The following DLGAP1 variants were observed in gnomAD, a reference collection of about 807,000 sequenced individuals.
DLGAP1 encodes DLG associated protein 1.
DLGAP1 carries 11 observed loss-of-function variants against 90.8 expected under a neutral mutation model. The ratio of observed to expected loss-of-function variants is 0.12; its 90% confidence interval spans 0.08 to 0.20. DLGAP1 has a LOEUF of 0.20. Ranked by LOEUF, DLGAP1 falls within the 10% of genes least tolerant of loss-of-function variation. The probability of loss-of-function intolerance (pLI) is 1.00; values close to 1 mark genes in which losing one functional copy is unlikely to be tolerated. For synonymous variants in DLGAP1, 558 were observed against 540.7 expected (o/e 1.03, Z -0.44); for missense variants, 1,050 against 1,333.8 (o/e 0.79, Z 3.31).
intron 9 of DLGAP1, among the ~76,000 whole-genome samples, chr18:3,550,531 G>C (rs1347857880): frequency 6.6e-6 from 1 of 152,036 alleles, no homozygotes; most frequent in African/African-American, 2.4e-5. Context: ...TGGCCTTAGG[G>C]CCTTTAAACA....
intron 2 of DLGAP1, among the ~76,000 whole-genome samples, chr18:4,017,965 AT>A (rs1408985921): frequency 1.3e-5 from 2 of 152,208 alleles, no homozygotes; most frequent in East Asian, 3.8e-4. Flanking sequence ...AGCAGACAGC[AT>A]TAATCTTATC....
rs868544820 is a variant in DLGAP1 at position 4,316,904 on chromosome 18, G to A, written c.-267+138102C>T. ...ATTTAGGATAGGGACATCAATTTGCGGTTGCCCCCGACCTTGCAGGAATTT... is the reference window on the plus strand; with the variant it reads ...ATTTAGGATAGGGACATCAATTTGCAGTTGCCCCCGACCTTGCAGGAATTT... On this transcript the variant is annotated intron_variant, in intron 1 of 12. Transcript: ENST00000315677. 6.6e-5 allele frequency among the ~76,000 whole-genome samples: 10 copies of A among 152,068 alleles called. 1 individual carries two copies. The Middle Eastern group carries it at 0.01, about 155-fold the overall frequency.
intron 2 of DLGAP1, among the ~76,000 whole-genome samples, chr18:4,144,961 CTTATT>C (rs1261660597): frequency 6.6e-6 from 1 of 152,138 alleles, no homozygotes; most frequent in East Asian, 1.9e-4. Context: ...CTATTATACT[CTTATT>C]TTACGAAGAA....
At chr18:4,064,643 G>C (rs2075346702) in intron 2 of DLGAP1, among the ~76,000 whole-genome samples, 2 of 151,882 alleles carry the variant, frequency 1.3e-5, no homozygotes, top group African/African-American at 4.8e-5. Context: ...GACTGAACCA[G>C]GAAGAAACCG....
intron 5 of DLGAP1, among the ~76,000 whole-genome samples, chr18:3,780,145 T>C (rs1029847433): frequency 1.3e-5 from 2 of 152,174 alleles, no homozygotes; most frequent in Non-Finnish European, 2.9e-5. Context: ...TTACAAAATA[T>C]AGACATGCTC....
rs2056912101 is a variant in DLGAP1, at chr18:3,600,829, TATATATAGATATATATAG to T, written c.1592-18599_1592-18582del. On this transcript the variant is annotated intron_variant, in intron 7 of 12. Transcript: ENST00000315677. Reference sequence around the variant, plus strand: ...ATATAGATATATATAGATATATAGATATATATAGATATATATAGATATATAGATATATATAGATATATA... The same window carrying T: ...ATATAGATATATATAGATATATAGATATATATAGATATATATAGATATATA... Among the ~76,000 whole-genome samples, 13 of 26,980 alleles carry T rather than the reference TATATATAGATATATATAG, an allele frequency of 4.8e-4. 2 individuals are homozygous for T. The highest frequency in any genetic ancestry group is 1.0e-3 in the South Asian group (1 of 964). The allele number at this position is 26,980 out of a possible 152,430, so 17.7% of individuals were successfully genotyped here.
At chr18:4,156,622 G>A (rs1285679503) in intron 1 of DLGAP1, among the ~76,000 whole-genome samples, 2 of 152,152 alleles carry the variant, frequency 1.3e-5, no homozygotes, top group Non-Finnish European at 2.9e-5. Flanking sequence ...AGTCATAAAA[G>A]AGAATTTCCA....
At chr18:4,322,576 G>C (rs2080718383) in intron 1 of DLGAP1, among the ~76,000 whole-genome samples, 1 of 152,164 alleles carries the variant, frequency 6.6e-6, no homozygotes, top group South Asian at 2.1e-4. Flanking sequence ...CTCCACAACA[G>C]TAATCTGGGC....
In DLGAP1 at chr18:3,664,218, C is replaced by CACACACACCCACA. The variant is rs1555620386; in HGVS notation, c.1591+64916_1591+64917insTGTGGGTGTGTGT. Among the ~76,000 whole-genome samples, 123 of 75,822 alleles carry CACACACACCCACA rather than the reference C, an allele frequency of 1.6e-3. 1 individual carries two copies. Among genetic ancestry groups the CACACACACCCACA allele is most frequent in the African/African-American group, 7.0e-3 (120 of 17,232 alleles). The allele number at this position is 75,822 out of a possible 152,430, so 49.7% of individuals were successfully genotyped here. ...CACACACACACACACACACACACAC[C>CACACACACCCACA]CACACACACACACACACACGGATAT... On this transcript the variant is annotated intron_variant, in intron 7 of 12. Transcript: ENST00000315677.
intron 1 of DLGAP1, among the ~76,000 whole-genome samples, chr18:4,212,509 T>TA (rs3041112): frequency 0.023 from 3,176 of 136,632 alleles, 81 homozygotes; most frequent in African/African-American, 0.062. Context: ...CTACTAAAGT[T>TA]AAAAAAAAAA....
chr18:3,744,679 G>A (rs2063194088), intron 5 of DLGAP1, among the ~76,000 whole-genome samples: 1 of 152,022 alleles, frequency 6.6e-6, no homozygotes, highest in Non-Finnish European at 1.5e-5. Flanking sequence ...CCGAGTAGCC[G>A]GAATGACACA....
intron 3 of DLGAP1, among the ~76,000 whole-genome samples, chr18:3,941,841 T>G (rs1222383924): frequency 6.6e-6 from 1 of 152,118 alleles, no homozygotes; most frequent in Non-Finnish European, 1.5e-5. Context: ...GCCTCCCAAG[T>G]AGTTGGGACT....
At chr18:4,128,732 G>T (rs542794309) in intron 2 of DLGAP1, among the ~76,000 whole-genome samples, 1 of 152,208 alleles carries the variant, frequency 6.6e-6, no homozygotes, top group African/African-American at 2.4e-5. Flanking sequence ...GACCTCCAAG[G>T]CTGGACCACA....
chr18:4,353,289 GA>G (rs1169408284), intron 1 of DLGAP1, among the ~76,000 whole-genome samples: 1 of 152,110 alleles, frequency 6.6e-6, no homozygotes, highest in Non-Finnish European at 1.5e-5. Context: ...GCTTCCCACT[GA>G]GCACGGGGCT....
At chr18:4,240,060 CTTG>C (rs1235870750) in intron 1 of DLGAP1, among the ~76,000 whole-genome samples, 2 of 152,108 alleles carry the variant, frequency 1.3e-5, no homozygotes, top group South Asian at 2.1e-4. Flanking sequence ...TTGTAATTTA[CTTG>C]TTGTGTTAGG....
chr18:3,600,723 G>GATATATATCT (rs1320704902), intron 7 of DLGAP1, among the ~76,000 whole-genome samples: 613 of 17,928 alleles, frequency 0.034, 113 homozygotes, highest in African/African-American at 0.1. Context: ...TAGATATAGA[G>GATATATATCT]ATATAGATAT....
intron 3 of DLGAP1, chr18:3,986,783 AG>A (rs918885409): frequency 2.6e-5 from 4 of 152,180 alleles, no homozygotes; most frequent in African/African-American, 9.7e-5. Context: ...TCAAACGCCC[AG>A]GGCTGACATT....
At chr18:4,285,199 T>A (rs527787618) in intron 1 of DLGAP1, among the ~76,000 whole-genome samples, 28 of 152,256 alleles carry the variant, frequency 1.8e-4, no homozygotes, top group African/African-American at 6.5e-4. Flanking sequence ...TGAAGGGAAA[T>A]CTTATTAATG....
intron 2 of DLGAP1, among the ~76,000 whole-genome samples, chr18:4,124,806 T>C (rs1045514180): frequency 6.6e-6 from 1 of 152,226 alleles, no homozygotes; most frequent in Non-Finnish European, 1.5e-5. Flanking sequence ...TCTCTTGATA[T>C]GGGCTATTTC....
Sources: gnomAD v4.1 joint callset for allele counts (sites outside exome capture counted in the v4.1 genomes callset) on GRCh38, gnomAD v4.1.1 for gene constraint, MANE v1.5 for transcripts, NCBI Gene and HGNC (gene_info 2026-07-23, HGNC 2026-07-21) for gene names.